PCDHGA6: variants seen among roughly 807,000 people sequenced by gnomAD.
PCDHGA6 encodes the protein protocadherin gamma subfamily A, 6, also known as protocadherin gamma-A6.
A neutral mutation model predicts 60.6 loss-of-function variants in PCDHGA6; 41 were observed. The observed-to-expected ratio is 0.68, with a 90% CI of 0.53 to 0.88. PCDHGA6 has a LOEUF of 0.88. PCDHGA6 is among the 40% of genes least tolerant of loss of function. PCDHGA6 has a pLI of 0.00. For missense variants in PCDHGA6, 1,312 were observed against 1,203.0 expected (o/e 1.09, Z -1.34); for synonymous variants, 594 against 524.4 (o/e 1.13, Z -1.81).
rs747782630 is a variant in PCDHGA6 at position 141,376,106 on chromosome 5, C to A, written c.2023C>A (p.Leu675Met). Residue 675 changes from leucine (L) to methionine (M), a missense_variant, in exon 1 of 4, where the codon CTG (leucine) becomes ATG (methionine). Transcript: ENST00000517434. The part of the protein sequence containing the change: ...ADRIPDILAD[L>M]GSLEPSAKPN... Reference sequence around the variant, plus strand: ...CAGGATCCCCGACATCCTGGCCGACCTGGGCAGCCTCGAGCCCTCCGCCAA... The same window carrying A: ...CAGGATCCCCGACATCCTGGCCGACATGGGCAGCCTCGAGCCCTCCGCCAA... 1.2e-6 allele frequency: 2 copies of A among 1,613,796 alleles called. No individual in the cohort carries two copies. Among genetic ancestry groups the A allele is most frequent in the East Asian group, 4.5e-5 (2 of 44,870 alleles).
At chr5:141,409,640 G>A (rs1045286800) in intron 1 of PCDHGA6, 2 of 1,613,780 alleles carry the variant, frequency 1.2e-6, no homozygotes, top group African/African-American at 1.3e-5. Context: ...CTCTGACCCG[G>A]ATTTGGGGCT....
At chr5:141,498,919 C>T (rs897611505) in intron 2 of PCDHGA6, among the ~76,000 whole-genome samples, 34 of 122,310 alleles carry the variant, frequency 2.8e-4, no homozygotes, top group African/African-American at 3.4e-4. Flanking sequence ...GGTGACAGAG[C>T]GAGACTCCAT....
chr5:141,395,657 T>C (rs1400217115), intron 1 of PCDHGA6: 1 of 162,996 alleles, frequency 6.1e-6, no homozygotes, highest in African/African-American at 2.4e-5. Context: ...TTAGCAAAAG[T>C]AAAATATATC....
Position 141,431,919 on chromosome 5 carries a change from A to C in PCDHGA6, c.2424+55412A>C, listed in dbSNP as rs2097428718. The C allele has an allele frequency of 7.4e-6, 12 of 1,614,040 alleles. No individual in the cohort carries two copies. Among genetic ancestry groups the C allele is most frequent in the Non-Finnish European group, 1.0e-5 (12 of 1,179,980 alleles). On this transcript the variant is annotated intron_variant, in intron 1 of 3. Transcript: ENST00000517434. This position sits in a 1 kb window ranked among gnomAD's most constrained non-coding sequence, Gnocchi z 4.8. ...AACGGACAGGTGATCTGTTTCATCC[A>C]AGGAAATCTGCCCTTTAAATTAGAA... is the stretch of plus-strand genomic sequence containing the variant.
chr5:141,389,481 C>A, intron 1 of PCDHGA6: 1 of 1,613,080 alleles, frequency 6.2e-7, no homozygotes, highest in Non-Finnish European at 8.5e-7. Context: ...ACTGCAGGCC[C>A]GCGACCAGGG....
chr5:141,495,900 G>A (rs1403705200), intron 2 of PCDHGA6, among the ~76,000 whole-genome samples: 2 of 151,894 alleles, frequency 1.3e-5, no homozygotes, highest in East Asian at 1.9e-4. Context: ...CTTTGTCTCT[G>A]TCTCTGTATA....
intron 1 of PCDHGA6, chr5:141,413,152 G>C: frequency 1.3e-6 from 2 of 1,574,694 alleles, no homozygotes; most frequent in Non-Finnish European, 1.7e-6. Flanking sequence ...TGAGGACTTT[G>C]CAGAATTCTG....
At chr5:141,380,907 C>T (rs1406481355) in intron 1 of PCDHGA6, among the ~76,000 whole-genome samples, 3 of 152,296 alleles carry the variant, frequency 2.0e-5, no homozygotes, top group Admixed American at 6.5e-5. Flanking sequence ...TCTACAAGTG[C>T]TTACATTGTT....
At chr5:141,400,064 G>A in intron 1 of PCDHGA6, 1 of 1,613,770 alleles carries the variant, frequency 6.2e-7, no homozygotes, top group Non-Finnish European at 8.5e-7. Context: ...CGTGATGGTG[G>A]ACAGCCGCCA....
intron 3 of PCDHGA6, among the ~76,000 whole-genome samples, chr5:141,509,574 G>T (rs554778751): frequency 6.6e-6 from 1 of 152,300 alleles, no homozygotes; most frequent in South Asian, 2.1e-4. Context: ...TTCACAGTGC[G>T]TACAAATCAG....
chr5:141,491,434 A>G lies in PCDHGA6; in HGVS notation c.2425-3373A>G, dbSNP rs1362196179. The G allele has an allele frequency of 6.2e-7, 1 of 1,614,032 alleles. No individual in the cohort carries two copies. ...GGACGGGGGTGGAGGGCAGTGCTGC[A>G]GGCGCCAGGACTCACCCTCCCCGGA... On this transcript the variant is annotated intron_variant, in intron 1 of 3. Coordinates refer to ENST00000517434, the MANE Select transcript of PCDHGA6 (RefSeq NM_018919.3). The surrounding 1 kb of genome is among the most constrained non-coding windows in gnomAD (Gnocchi z 6.9).
rs1199102847 is a variant in PCDHGA6, at chr5:141,477,997, A to G, written c.2425-16810A>G. 2 of 1,614,112 alleles carry G rather than the reference A, an allele frequency of 1.2e-6. No individual in the cohort carries two copies. Among genetic ancestry groups the G allele is most frequent in the Non-Finnish European group, 1.7e-6 (2 of 1,180,016 alleles). On this transcript the variant is annotated intron_variant, in intron 1 of 3. Coordinates refer to ENST00000517434, the MANE Select transcript of PCDHGA6 (RefSeq NM_018919.3). This position sits in a 1 kb window ranked among gnomAD's most constrained non-coding sequence, Gnocchi z 4.9. ...TTGCCATAGGGCTGCACACTGGTCAAATCAGTACTGCCCGTCCAGTCCAAG... is the reference window on the plus strand; with the variant it reads ...TTGCCATAGGGCTGCACACTGGTCAGATCAGTACTGCCCGTCCAGTCCAAG...
In PCDHGA6 at chr5:141,431,253, ACT is replaced by A. The variant is rs757246289; in HGVS notation, c.2424+54751_2424+54752del. On this transcript the variant is annotated intron_variant, in intron 1 of 3. Coordinates refer to ENST00000517434, the MANE Select transcript of PCDHGA6 (RefSeq NM_018919.3). This position sits in a 1 kb window ranked among gnomAD's most constrained non-coding sequence, Gnocchi z 4.8. ...GCCTGGGATCCGGATATCGGGAAGA[ACT>A]CTCTGCAGAGCTACGAGCTCAGCCC... 2.2e-5 allele frequency: 35 copies of A among 1,614,014 alleles called. No individual in the cohort carries two copies. In the South Asian group the frequency reaches 3.1e-4, roughly 14 times the overall value.
At chr5:141,507,432 C>T (rs2099860585) in intron 3 of PCDHGA6, 1 of 152,198 alleles carries the variant, frequency 6.6e-6, no homozygotes. Flanking sequence ...GGGGCCAGGC[C>T]TACAGCTGAC....
intron 2 of PCDHGA6, among the ~76,000 whole-genome samples, chr5:141,501,876 C>T (rs1463329895): frequency 6.6e-6 from 1 of 152,118 alleles, no homozygotes; most frequent in East Asian, 1.9e-4. Context: ...CGCCTCCTTA[C>T]ACTCCTGATC....
Position 141,408,343 on chromosome 5 carries a change from G to A in PCDHGA6, c.2424+31836G>A, listed in dbSNP as rs780878986. On this transcript the variant is annotated intron_variant, in intron 1 of 3. Transcript: ENST00000517434. Reference sequence around the variant, plus strand: ...AGGAGCTGGCCAAGGGCTCGGTGGTGGGGAACCTCGCTAAGGATCTAGGGC... The same window carrying A: ...AGGAGCTGGCCAAGGGCTCGGTGGTAGGGAACCTCGCTAAGGATCTAGGGC... The A allele has an allele frequency of 1.9e-6, 3 of 1,613,924 alleles. No individual in the cohort carries two copies. In the South Asian group the frequency reaches 3.3e-5, roughly 18 times the overall value.
intron 1 of PCDHGA6, among the ~76,000 whole-genome samples, chr5:141,453,393 A>G (rs2098764590): frequency 6.6e-6 from 1 of 152,018 alleles, no homozygotes; most frequent in Non-Finnish European, 1.5e-5. Flanking sequence ...CTTAGCCTCC[A>G]AGTGCTGGTA....
At chr5:141,383,961 C>T (rs768963435) in intron 1 of PCDHGA6, 31 of 1,613,238 alleles carry the variant, frequency 1.9e-5, no homozygotes, top group Non-Finnish European at 2.6e-5. Context: ...CTTTAAGTAG[C>T]TCAATCCCTG....
chr5:141,392,542 A>C (rs2092551305), intron 1 of PCDHGA6: 1 of 323,320 alleles, frequency 3.1e-6, no homozygotes, highest in African/African-American at 2.1e-5. Flanking sequence ...ATTTAGAAGT[A>C]ATCTGTATCT....
Sources: gnomAD v4.1 joint callset for allele counts (sites outside exome capture counted in the v4.1 genomes callset) on GRCh38, gnomAD v4.1.1 for gene constraint, Gnocchi (gnomAD v3.1) non-coding constraint, MANE v1.5 for transcripts, NCBI Gene and HGNC (gene_info 2026-07-23, HGNC 2026-07-21) for gene names.